The following SMARCA4 variants were observed in gnomAD, a reference collection of about 807,000 sequenced individuals.
SMARCA4 encodes SWI/SNF related BAF chromatin remodeling complex subunit ATPase 4.
A neutral mutation model predicts 193.9 loss-of-function variants in SMARCA4; 31 were observed. The observed-to-expected ratio is 0.16, with a 90% CI of 0.12 to 0.22. The LOEUF is 0.22. SMARCA4 is among the 10% of genes least tolerant of loss of function. The pLI, the probability that SMARCA4 is intolerant of heterozygous loss-of-function variation, is 1.00. For synonymous variants in SMARCA4, 942 were observed against 933.1 expected (o/e 1.01, Z -0.17); for missense variants, 1,148 against 2,296.0 (o/e 0.50, Z 10.22).
intron 29 of SMARCA4, among the ~76,000 whole-genome samples, chr19:11,038,540 C>G (rs1181719581): frequency 1.3e-5 from 2 of 152,194 alleles, no homozygotes; most frequent in Non-Finnish European, 2.9e-5. Context: ...TTCTCTAAGA[C>G]ATGTCTGCTC....
intron 11 of SMARCA4, among the ~76,000 whole-genome samples, chr19:10,998,572 C>T (rs935987262): frequency 6.7e-6 from 1 of 148,420 alleles, no homozygotes; most frequent in Non-Finnish European, 1.5e-5. Flanking sequence ...TTATTTCCAT[C>T]GTTCTTTCTG....
chr19:10,982,188 A>G (rs1174422338), intron 1 of SMARCA4, among the ~76,000 whole-genome samples: 1 of 151,320 alleles, frequency 6.6e-6, no homozygotes, highest in Non-Finnish European at 1.5e-5. Flanking sequence ...AAAAATAAAA[A>G]AATTGGCCTG....
chr19:10,991,898 A>C lies in SMARCA4; in HGVS notation c.1419+575A>C, dbSNP rs113451925. The stretch of plus-strand genomic sequence containing the variant: ...TTTTGCTCTGAGTAAAGTGGGAGCC[A>C]TAGAGGGTTCTGGGCAGTGCAGGGA... On this transcript the variant is annotated intron_variant, in intron 8 of 34. Coordinates refer to ENST00000344626, the MANE Select transcript of SMARCA4 (RefSeq NM_003072.5). Among the ~76,000 whole-genome samples, 556 of 152,202 alleles carry C rather than the reference A, an allele frequency of 3.7e-3. 7 individuals carry two copies. Among genetic ancestry groups the C allele is most frequent in the African/African-American group, 0.012 (517 of 41,528 alleles).
At chr19:11,039,082 G>A (rs1026824119) in intron 29 of SMARCA4, among the ~76,000 whole-genome samples, 1 of 152,140 alleles carries the variant, frequency 6.6e-6, no homozygotes, top group African/African-American at 2.4e-5. Flanking sequence ...GCCAGGCACA[G>A]TGACACATGC....
chr19:11,021,651 A>G (rs1425808880), intron 18 of SMARCA4, 74 bp from the exon 19 acceptor site: 2 of 1,537,956 alleles, frequency 1.3e-6, no homozygotes, highest in East Asian at 2.4e-5. Flanking sequence ...TGCTGGGCGC[A>G]GAGTGGGAGA....
At chr19:10,989,186 C>T (rs2086332214) in intron 6 of SMARCA4, 131 bp from the exon 7 acceptor site, 10 of 1,163,254 alleles carry the variant, frequency 8.6e-6, no homozygotes. Flanking sequence ...GGCCAGCATC[C>T]TCTTCTGAGG....
Position 11,013,077 on chromosome 19 carries a change from C to T in SMARCA4, c.2403C>T (p.Arg801=), listed in dbSNP as rs142995801. 32 of 1,614,188 alleles carry T rather than the reference C, an allele frequency of 2.0e-5. No individual in the cohort carries two copies. The African/African-American group carries it at 3.5e-4, about 17-fold the overall frequency. The change falls in exon 16 of 35, where the codon CGC becomes CGT. Residue 801 remains arginine (R), a synonymous_variant. Coordinates refer to ENST00000344626, the MANE Select transcript of SMARCA4 (RefSeq NM_003072.5). ...ALITYLMEHK[R]INGPFLIIVP... Reference sequence around the variant, plus strand: ...TCACGTACCTCATGGAGCACAAACGCATCAATGGGCCCTTCCTCATCATCG... The same window carrying T: ...TCACGTACCTCATGGAGCACAAACGTATCAATGGGCCCTTCCTCATCATCG...
intron 15 of SMARCA4, chr19:11,012,102 TG>T (rs1454973651): frequency 2.0e-5 from 3 of 152,296 alleles, no homozygotes; most frequent in Non-Finnish European, 4.4e-5. Context: ...CTAGGCGCAG[TG>T]GCTCATGGCT....
chr19:11,025,668 T>G lies in SMARCA4; in HGVS notation c.3168+160T>G, dbSNP rs151190649. 9.0e-4 allele frequency: 593 copies of G among 661,686 alleles called. 2 individuals carry two copies. The African/African-American group carries it at 9.4e-3, about 10-fold the overall frequency. 41.0% of individuals were successfully genotyped at this position (661,686 alleles called of 1,614,324 possible). A position where few individuals can be genotyped will look rare whatever the true frequency, so the allele number is the denominator to read the frequency against. On this transcript the variant is annotated intron_variant, in intron 22 of 34. Transcript: ENST00000344626. ...CATTTGGTCTTCGCTTCACCAGTGCTTACGGGAAGAATCCCAGCAGTTAGG... is the reference window on the plus strand; with the variant it reads ...CATTTGGTCTTCGCTTCACCAGTGCGTACGGGAAGAATCCCAGCAGTTAGG...
chr19:11,047,691 T>C (rs1261000119), intron 30 of SMARCA4: 1 of 152,200 alleles, frequency 6.6e-6, no homozygotes. Flanking sequence ...ATTACAGGCA[T>C]GAGCCACCGT....
At chr19:10,972,875 C>T (rs530698724) in intron 1 of SMARCA4, among the ~76,000 whole-genome samples, 1 of 152,274 alleles carries the variant, frequency 6.6e-6, no homozygotes, top group East Asian at 1.9e-4. Flanking sequence ...CTTTGGGAGG[C>T]CAAAGTGGAC....
At chr19:11,029,086 C>CA (rs1394427740) in intron 24 of SMARCA4, among the ~76,000 whole-genome samples, 2 of 152,266 alleles carry the variant, frequency 1.3e-5, no homozygotes, top group African/African-American at 4.8e-5. Flanking sequence ...ACTCTACAGA[C>CA]ACGAGTCTGT....
At chr19:11,057,520 A>G (rs1264728975) in intron 30 of SMARCA4, among the ~76,000 whole-genome samples, 1 of 152,084 alleles carries the variant, frequency 6.6e-6, no homozygotes, top group African/African-American at 2.4e-5. Flanking sequence ...CACGAGGTCA[A>G]GAGATCGAGA....
chr19:11,033,103 C>A lies in SMARCA4; in HGVS notation c.3547-187C>A. ...GAGGAACGTGATGAGAGTCCCCTTCCCCCGAGGGACACATGGCGGCCCAGG... is the reference window on the plus strand; with the variant it reads ...GAGGAACGTGATGAGAGTCCCCTTCACCCGAGGGACACATGGCGGCCCAGG... On this transcript the variant is annotated intron_variant, in intron 25 of 34. Coordinates refer to ENST00000344626, the MANE Select transcript of SMARCA4 (RefSeq NM_003072.5). This position sits in a 1 kb window ranked among gnomAD's most constrained non-coding sequence, Gnocchi z 9.8. 1.5e-6 allele frequency: 1 copy of A among 666,296 alleles called. No individual in the cohort carries two copies. The highest frequency in any genetic ancestry group is 2.7e-6 in the Non-Finnish European group (1 of 364,000). 41.3% of individuals were successfully genotyped at this position (666,296 alleles called of 1,614,324 possible).
At chr19:10,982,028 G>T (rs147261726) in intron 1 of SMARCA4, among the ~76,000 whole-genome samples, 1 of 151,774 alleles carries the variant, frequency 6.6e-6, no homozygotes, top group Non-Finnish European at 1.5e-5. Context: ...AACTTTTTCC[G>T]CTAGATCACC....
At chr19:11,055,221 A>C (rs1195542728) in intron 30 of SMARCA4, among the ~76,000 whole-genome samples, 2 of 151,834 alleles carry the variant, frequency 1.3e-5, no homozygotes, top group Non-Finnish European at 2.9e-5. Flanking sequence ...ACAGAGTCTC[A>C]CTCTGTCGCC....
At chr19:11,023,943 C>A (rs1026299126) in intron 20 of SMARCA4, among the ~76,000 whole-genome samples, 1 of 152,234 alleles carries the variant, frequency 6.6e-6, no homozygotes, top group Non-Finnish European at 1.5e-5. Flanking sequence ...TGCCCCCCGG[C>A]CCCCCATCAT....
At chr19:10,990,754 T>A (rs1236609701) in intron 7 of SMARCA4, among the ~76,000 whole-genome samples, 1 of 152,222 alleles carries the variant, frequency 6.6e-6, no homozygotes, top group Non-Finnish European at 1.5e-5. Flanking sequence ...AAGTGAGGTC[T>A]CTCCATGTTG....
intron 8 of SMARCA4, among the ~76,000 whole-genome samples, chr19:10,991,586 G>C (rs1177840521): frequency 6.6e-6 from 1 of 152,230 alleles, no homozygotes; most frequent in Non-Finnish European, 1.5e-5. Flanking sequence ...TAGAGAGGAA[G>C]GAACGGGCTG....
Sources: allele counts gnomAD v4.1 joint callset (sites outside exome capture counted in the v4.1 genomes callset), GRCh38; gene constraint gnomAD v4.1.1; non-coding constraint Gnocchi (gnomAD v3.1); transcripts MANE v1.5; gene names NCBI Gene and HGNC (gene_info 2026-07-23, HGNC 2026-07-21).